The following PARVA variants were observed in gnomAD, a reference collection of about 807,000 sequenced individuals.
PARVA encodes parvin alpha, also known as alpha-parvin.
Under a neutral mutation model 52.6 loss-of-function variants are expected in PARVA, and 25 were observed. The observed-to-expected ratio is 0.48, with a 90% CI of 0.35 to 0.66. The LOEUF (loss-of-function observed/expected upper bound fraction) is 0.66, where lower values mean the gene tolerates loss of function less well. PARVA is among the 30% of genes least tolerant of loss of function. The pLI, the probability that PARVA is intolerant of heterozygous loss-of-function variation, is 0.01. For missense variants in PARVA, 373 were observed against 450.9 expected (o/e 0.83, Z 1.56); for synonymous variants, 185 against 179.1 (o/e 1.03, Z -0.26).
At chr11:12,512,165 G>C (rs79040937) in intron 8 of PARVA, among the ~76,000 whole-genome samples, 2 of 152,148 alleles carry the variant, frequency 1.3e-5, no homozygotes, top group Non-Finnish European at 2.9e-5. Flanking sequence ...TGCCCGAGGT[G>C]TCTGGATGGG....
chr11:12,418,308 G>T (rs1197629395), intron 1 of PARVA, among the ~76,000 whole-genome samples: 2 of 152,176 alleles, frequency 1.3e-5, no homozygotes, highest in Non-Finnish European at 2.9e-5. Context: ...CTGGGTGATG[G>T]TGCCCAGCAG....
intron 10 of PARVA, among the ~76,000 whole-genome samples, chr11:12,515,288 A>C (rs1208961399): frequency 6.6e-6 from 1 of 151,978 alleles, no homozygotes; most frequent in Admixed American, 6.6e-5. Context: ...CTTCTCTTTC[A>C]GTCATCTGGG....
chr11:12,406,666 T>G (rs938929298), intron 1 of PARVA, among the ~76,000 whole-genome samples: 3 of 93,904 alleles, frequency 3.2e-5, no homozygotes, highest in Admixed American at 9.2e-5. Flanking sequence ...TATCTGTTTT[T>G]TTTTTTTTTT....
intron 1 of PARVA, among the ~76,000 whole-genome samples, chr11:12,469,275 C>T (rs116925151): frequency 8.5e-4 from 130 of 152,224 alleles, no homozygotes; most frequent in Middle Eastern, 3.4e-3. Flanking sequence ...ACCACATATC[C>T]CTGGAAACAA....
chr11:12,412,010 T>A (rs568140612), intron 1 of PARVA, among the ~76,000 whole-genome samples: 1 of 152,308 alleles, frequency 6.6e-6, no homozygotes, highest in South Asian at 2.1e-4. Context: ...CCTGCCTAGT[T>A]TCTTTCTAAT....
chr11:12,446,836 C>T (rs551146484), intron 1 of PARVA, among the ~76,000 whole-genome samples: 19 of 152,232 alleles, frequency 1.2e-4, no homozygotes, highest in East Asian at 7.7e-4. Context: ...TTGTTGGTTT[C>T]GTACATTCTC....
At chr11:12,376,690 G>GAGAC, upstream of PARVA, 8 of 975,030 alleles carry the variant, frequency 8.2e-6, no homozygotes, top group Non-Finnish European at 9.8e-6. Flanking sequence ...CTGTGTGTGA[G>GAGAC]AGACAGACAG....
chr11:12,470,616 T>TG (rs1940920318), intron 1 of PARVA, among the ~76,000 whole-genome samples: 4 of 152,172 alleles, frequency 2.6e-5, no homozygotes, highest in Admixed American at 2.0e-4. Context: ...AAAACTTACA[T>TG]TCTGGTGAGG....
In PARVA at chr11:12,530,615, C is replaced by T. The variant is rs1941760897; in HGVS notation, c.*2690C>T. ...ACTGTTTTGATCCATTTCTTACACA[C>T]ACTGCCAGAGATACTCTAGGCATGT... On this transcript the variant is annotated 3_prime_UTR_variant, in exon 13 of 13. Coordinates refer to ENST00000334956, the MANE Select transcript of PARVA (RefSeq NM_018222.5). The T allele has an allele frequency of 6.6e-6, 1 of 152,174 alleles. No homozygotes were observed. The highest frequency in any genetic ancestry group is 6.5e-5 in the Admixed American group (1 of 15,274). 9.4% of individuals were successfully genotyped at this position (152,174 alleles called of 1,614,324 possible).
At chr11:12,453,907 G>A (rs1222893869) in intron 1 of PARVA, among the ~76,000 whole-genome samples, 4 of 152,176 alleles carry the variant, frequency 2.6e-5, no homozygotes, top group East Asian at 1.9e-4. Context: ...CCCTGAAGAC[G>A]TATTGTGGGG....
chr11:12,414,952 A>G (rs1038295625), intron 1 of PARVA, among the ~76,000 whole-genome samples: 3 of 152,152 alleles, frequency 2.0e-5, no homozygotes, highest in Non-Finnish European at 4.4e-5. Context: ...AGGAGGAATC[A>G]TCCCACAGTC....
Position 12,533,991 on chromosome 11 carries a change from A to AC in PARVA, c.*6070dup. ...AGACTATCCTGGCTAATATGGTGAAACCCCGTCTGTACTAAAAATACAAAA... is the reference window on the plus strand; with the variant it reads ...AGACTATCCTGGCTAATATGGTGAAACCCCCGTCTGTACTAAAAATACAAAA... On this transcript the variant is annotated 3_prime_UTR_variant, in exon 13 of 13. Coordinates refer to ENST00000334956, the MANE Select transcript of PARVA (RefSeq NM_018222.5). Among the ~76,000 whole-genome samples, 1 of 152,146 alleles carries AC rather than the reference A, an allele frequency of 6.6e-6. No homozygotes were observed. The highest frequency in any genetic ancestry group is 1.9e-4 in the East Asian group (1 of 5,158).
intron 1 of PARVA, among the ~76,000 whole-genome samples, chr11:12,403,107 A>G (rs1939852814): frequency 1.3e-5 from 2 of 152,200 alleles, no homozygotes; most frequent in African/African-American, 4.8e-5. Flanking sequence ...GGGCAGCTCG[A>G]AGGGCCTGTC....
chr11:12,420,872 C>T (rs200782585), intron 1 of PARVA, among the ~76,000 whole-genome samples: 4 of 152,074 alleles, frequency 2.6e-5, no homozygotes, highest in East Asian at 1.9e-4. Context: ...CAAGTCCAGG[C>T]GGTAGAGTCC....
At chr11:12,469,413 G>T (rs1370286113) in intron 1 of PARVA, among the ~76,000 whole-genome samples, 2 of 152,152 alleles carry the variant, frequency 1.3e-5, no homozygotes, top group African/African-American at 4.8e-5. Flanking sequence ...GAGACATTCG[G>T]ACCCAGTTTT....
At chr11:12,400,089 T>A (rs1476720854) in intron 1 of PARVA, among the ~76,000 whole-genome samples, 1 of 152,160 alleles carries the variant, frequency 6.6e-6, no homozygotes, top group Non-Finnish European at 1.5e-5. Context: ...AAATAAAAAT[T>A]AAAACATAAA....
chr11:12,519,669 A>T (rs1315878492), intron 12 of PARVA, among the ~76,000 whole-genome samples: 1 of 152,146 alleles, frequency 6.6e-6, no homozygotes, highest in Non-Finnish European at 1.5e-5. Context: ...GCCAGACAGA[A>T]TGACAGCATG....
At chr11:12,496,333 T>A in intron 4 of PARVA, 125 bp from the exon 5 acceptor site, 2 of 947,860 alleles carry the variant, frequency 2.1e-6, no homozygotes, top group Non-Finnish European at 1.5e-6. Flanking sequence ...GCATCCAGTA[T>A]CTATTGTTGC....
At position 12,531,057 on chromosome 11, in the gene PARVA, A is replaced by G. The variant is rs1941766327; in HGVS notation, c.*3132A>G. Among the ~76,000 whole-genome samples, 1 of 152,188 alleles carries G rather than the reference A, an allele frequency of 6.6e-6. No individual in the cohort carries two copies. The highest frequency in any genetic ancestry group is 2.1e-4 in the South Asian group (1 of 4,828). ...AGATTGATGAAGGTTTCATTTTTAT[A>G]TATTACCAGGACTACGAATTTGTAA... On this transcript the variant is annotated 3_prime_UTR_variant, in exon 13 of 13. Coordinates refer to ENST00000334956, the MANE Select transcript of PARVA (RefSeq NM_018222.5).
Sources: gnomAD v4.1 joint callset for allele counts (sites outside exome capture counted in the v4.1 genomes callset) on GRCh38, gnomAD v4.1.1 for gene constraint, MANE v1.5 for transcripts, NCBI Gene and HGNC (gene_info 2026-07-23, HGNC 2026-07-21) for gene names.